Variants in HEATR5A observed in about 807,000 individuals in gnomAD.
HEATR5A encodes the protein HEAT repeat containing 5A, also known as HEAT repeat-containing protein 5A.
In HEATR5A, 178 loss-of-function variants were observed where a neutral mutation model predicts 218.8. That is an observed-to-expected ratio of 0.81 (90% CI 0.72 to 0.92). HEATR5A has a LOEUF of 0.92. Among genes scored for constraint, HEATR5A ranks in the 40% least tolerant of loss-of-function variants. The pLI is 0.00. For synonymous variants in HEATR5A, 864 were observed against 871.6 expected (o/e 0.99, Z 0.15); for missense variants, 2,420 against 2,418.9 (o/e 1.00, Z -0.01).
chr14:31,373,461 T>C (rs1464624112), intron 12 of HEATR5A, among the ~76,000 whole-genome samples: 1 of 151,974 alleles, frequency 6.6e-6, no homozygotes, highest in East Asian at 1.9e-4. Flanking sequence ...CCCAAGTAGC[T>C]AGGATTACAA....
At chr14:31,315,641 G>C (rs569331836) in intron 27 of HEATR5A, 129 bp downstream of exon 27, 1 of 632,050 alleles carries the variant, frequency 1.6e-6, no homozygotes, top group African/African-American at 1.8e-5. Flanking sequence ...TCACATGTTG[G>C]AATTCTTTTT....
intron 25 of HEATR5A, chr14:31,320,422 A>G: frequency 8.1e-7 from 1 of 1,228,940 alleles, no homozygotes; most frequent in Admixed American, 1.7e-5. Context: ...CTGACCCAGC[A>G]CCAATAAACT....
intron 22 of HEATR5A, among the ~76,000 whole-genome samples, chr14:31,335,943 C>T (rs1477160400): frequency 2.0e-5 from 3 of 150,234 alleles, no homozygotes; most frequent in Non-Finnish European, 4.4e-5. Context: ...GCGTGAGCCA[C>T]TGTGACCAGC....
intron 21 of HEATR5A, among the ~76,000 whole-genome samples, chr14:31,341,924 G>A (rs1595116641): frequency 6.6e-6 from 1 of 152,082 alleles, no homozygotes; most frequent in African/African-American, 2.4e-5. Flanking sequence ...ACTGGTTTTA[G>A]GAATGACTCT....
rs1566775413 is a variant in HEATR5A, at chr14:31,380,476, T to C, written c.1699A>G (p.Met567Val). ...TTCTACAGACTGTTACCTAATGTCA[T>C]CAGAGCAGAAATCAGCAACCATCCA... ...QAGWLLISAL[M>V]TLGPAVVSHH... Residue 567 changes from methionine to valine, a missense_variant, in exon 11 of 36, where the codon ATG becomes GTG. By Grantham distance (21) the Met-to-Val change is conservative. Transcript: ENST00000543095. 6.2e-7 allele frequency: 1 copy of C among 1,602,240 alleles called. No individual in the cohort carries two copies.
intron 33 of HEATR5A, chr14:31,296,955 CAA>C (rs1221107204): frequency 6.6e-6 from 1 of 152,058 alleles, no homozygotes; most frequent in Non-Finnish European, 1.5e-5. Flanking sequence ...AGCTGAGAAG[CAA>C]AGACTTTCAA....
chr14:31,335,495 A>G (rs1373272234), intron 22 of HEATR5A, among the ~76,000 whole-genome samples: 1 of 152,116 alleles, frequency 6.6e-6, no homozygotes, highest in Non-Finnish European at 1.5e-5. Context: ...CCAGCTCCCT[A>G]AACATTTTAA....
At chr14:31,351,853 G>A (rs1475210070) in intron 16 of HEATR5A, among the ~76,000 whole-genome samples, 4 of 151,620 alleles carry the variant, frequency 2.6e-5, no homozygotes, top group Admixed American at 6.6e-5. Context: ...AAGCTCAAGC[G>A]ATCCTCCAGC....
chr14:31,326,078 C>T (rs1900256966), intron 23 of HEATR5A, 85 bp downstream of exon 23: 2 of 978,088 alleles, frequency 2.0e-6, no homozygotes, highest in South Asian at 1.4e-5. Context: ...TTAGACAAGA[C>T]TGATGAATTC....
intron 22 of HEATR5A, among the ~76,000 whole-genome samples, chr14:31,327,878 T>A (rs1420585191): frequency 2.6e-5 from 4 of 152,214 alleles, no homozygotes; most frequent in Non-Finnish European, 5.9e-5. Context: ...AAATACATTT[T>A]CTCTTGAAGA....
In HEATR5A at chr14:31,321,615, T is replaced by C. The variant is rs947936036; in HGVS notation, c.3853A>G (p.Ser1285Gly). The C allele has an allele frequency of 6.8e-6, 11 of 1,610,284 alleles. No homozygotes were observed. The highest frequency in any genetic ancestry group is 1.3e-5 in the African/African-American group (1 of 74,850). ...RMAFMAATDH[S>G]DQLRLSGLEM... is the part of the protein sequence containing the mutation. ...AGGCCAGAAAGACGGAGCTGGTCAC[T>C]GTGATCTGTGGCAGCCATAAAAGCC... is the stretch of plus-strand genomic sequence containing the variant. The change falls in exon 25 of 36, where the codon AGT becomes GGT. Residue 1285 changes from serine to glycine, a missense_variant. Physicochemically the swap from Ser to Gly is moderately conservative, Grantham distance 56 (BLOSUM62 0). Coordinates refer to ENST00000543095, the MANE Select transcript of HEATR5A (RefSeq NM_015473.4).
At position 31,326,330 on chromosome 14, in the gene HEATR5A, C is replaced by T. The variant is rs752579244; in HGVS notation, c.3380G>A (p.Arg1127Lys). The change falls in exon 23 of 36, where the codon AGA becomes AAA. Residue 1127 changes from arginine (R) to lysine (K), a missense_variant. By Grantham distance (26) the Arg-to-Lys change is conservative. Coordinates refer to ENST00000543095, the MANE Select transcript of HEATR5A (RefSeq NM_015473.4). ...REELTPDANI[R>K]EVGLEGALLI... ...CAATGCCCCCTCAAGGCCAACTTCT[C>T]TGATGTTAGCATCTGACAAGAAGAA... is the stretch of plus-strand genomic sequence containing the variant. The T allele has an allele frequency of 9.9e-6, 16 of 1,610,166 alleles. No individual in the cohort carries two copies. The highest frequency in any genetic ancestry group is 1.4e-5 in the Non-Finnish European group (16 of 1,178,394).
chr14:31,382,877 T>C (rs1017541300), intron 10 of HEATR5A, among the ~76,000 whole-genome samples: 2 of 151,454 alleles, frequency 1.3e-5, no homozygotes, highest in African/African-American at 2.4e-5. Flanking sequence ...CTTTTTAAAA[T>C]GAACATAGTA....
intron 1 of HEATR5A, among the ~76,000 whole-genome samples, chr14:31,406,108 T>C (rs939362455): frequency 1.3e-5 from 2 of 152,208 alleles, no homozygotes; most frequent in African/African-American, 2.4e-5. Context: ...TTATCTGAAG[T>C]CTTACCTCAT....
chr14:31,402,422 A>T (rs1214984058), intron 2 of HEATR5A, among the ~76,000 whole-genome samples: 1 of 152,136 alleles, frequency 6.6e-6, no homozygotes, highest in East Asian at 1.9e-4. Context: ...TTGAAGAGGG[A>T]ATCTGTTTAT....
chr14:31,353,129 C>T (rs1901290869), intron 16 of HEATR5A, among the ~76,000 whole-genome samples: 1 of 151,646 alleles, frequency 6.6e-6, no homozygotes, highest in African/African-American at 2.4e-5. Flanking sequence ...TACCCCAAAT[C>T]CCACCACCTA....
At chr14:31,325,374 T>C (rs951176372) in intron 23 of HEATR5A, among the ~76,000 whole-genome samples, 5 of 152,104 alleles carry the variant, frequency 3.3e-5, no homozygotes, top group Non-Finnish European at 5.9e-5. Flanking sequence ...TTAACATTAT[T>C]GTATGTAGTG....
chr14:31,295,715 T>C (rs1251009251), intron 34 of HEATR5A, among the ~76,000 whole-genome samples, 194 bp downstream of exon 34: 1 of 152,102 alleles, frequency 6.6e-6, no homozygotes, highest in African/African-American at 2.4e-5. Context: ...CACTATGCTC[T>C]ACCCTTAGGG....
At position 31,292,965 on chromosome 14, in the gene HEATR5A, T is replaced by C. The variant is rs1391657895; in HGVS notation, c.*340A>G. 5.2e-6 allele frequency: 1 copy of C among 192,654 alleles called. No homozygotes were observed. 11.9% of individuals were successfully genotyped at this position (192,654 alleles called of 1,614,324 possible). A position where few individuals can be genotyped will look rare whatever the true frequency, so the allele number is the denominator to read the frequency against. On this transcript the variant is annotated 3_prime_UTR_variant, in exon 36 of 36. Transcript: ENST00000543095. Reference sequence around the variant, plus strand: ...AGTCATATTTATATCTGTCACAGTATTAAGTATACCACATATGTATGGACT... The same window carrying C: ...AGTCATATTTATATCTGTCACAGTACTAAGTATACCACATATGTATGGACT...
Sources: allele counts gnomAD v4.1 joint callset (sites outside exome capture counted in the v4.1 genomes callset), GRCh38; gene constraint gnomAD v4.1.1; transcripts MANE v1.5; gene names NCBI Gene and HGNC (gene_info 2026-07-23, HGNC 2026-07-21).